Variants in PTPRF observed in about 807,000 individuals in gnomAD.
PTPRF encodes protein tyrosine phosphatase receptor type F.
In PTPRF, 59 loss-of-function variants were observed where a neutral mutation model predicts 201.8. That is an observed-to-expected ratio of 0.29 (90% confidence interval 0.24 to 0.36). The LOEUF is 0.36. PTPRF is among the 10% of genes least tolerant of loss of function. The pLI is 1.00. For missense variants in PTPRF, 2,132 were observed against 2,690.5 expected (o/e 0.79, Z 4.59); for synonymous variants, 1,088 against 1,089.7 (o/e 1.00, Z 0.03).
chr1:43,564,689 G>A (rs981792532), intron 5 of PTPRF, among the ~76,000 whole-genome samples: 9 of 152,204 alleles, frequency 5.9e-5, no homozygotes, highest in Admixed American at 1.3e-4. Flanking sequence ...GCTTAGGGGA[G>A]GCGGTCAGGC....
Position 43,606,982 on chromosome 1 carries a change from T to C in PTPRF, c.3857+14T>C, listed in dbSNP as rs777346959. 2.4e-5 allele frequency: 39 copies of C among 1,612,174 alleles called. 1 individual carries two copies. In the South Asian group the frequency reaches 4.1e-4, roughly 17 times the overall value. On this transcript the variant is annotated intron_variant, in intron 21 of 33. Transcript: ENST00000359947. The stretch of plus-strand genomic sequence containing the variant: ...CTTGTTCAAAAGGTGAGCACTGCCC[T>C]CAGAGCTCCGGGAACGGCCACCTGC...
chr1:43,560,828 C>G (rs549736100), intron 5 of PTPRF, among the ~76,000 whole-genome samples: 1 of 152,282 alleles, frequency 6.6e-6, no homozygotes, highest in East Asian at 1.9e-4. Context: ...GGACCCTTTC[C>G]TCTCCCTCCC....
rs1022045636 is a variant in PTPRF, at chr1:43,578,132, C to T, written c.569-678C>T. On this transcript the variant is annotated intron_variant, in intron 6 of 33. Transcript: ENST00000359947. ...AGAGCAGCCCCTCAGGGCACTGGCCCGAGTGAGAGCTCCAACCTCCATTAG... is the reference window on the plus strand; with the variant it reads ...AGAGCAGCCCCTCAGGGCACTGGCCTGAGTGAGAGCTCCAACCTCCATTAG... 3.6e-4 allele frequency among the ~76,000 whole-genome samples: 55 copies of T among 152,308 alleles called. 1 individual carries two copies. The highest frequency in any genetic ancestry group is 1.3e-3 in the African/African-American group (54 of 41,550).
At chr1:43,574,644 A>T (rs543671330) in intron 6 of PTPRF, among the ~76,000 whole-genome samples, 69 of 152,372 alleles carry the variant, frequency 4.5e-4, no homozygotes, top group Non-Finnish European at 8.5e-4. Context: ...TCTTAGTATT[A>T]TGAAAACAGT....
At chr1:43,599,167 C>T (rs1653121032) in intron 13 of PTPRF, among the ~76,000 whole-genome samples, 1 of 152,058 alleles carries the variant, frequency 6.6e-6, no homozygotes, top group African/African-American at 2.4e-5. Context: ...GGAGTGCCTC[C>T]TGGGTTCAAG....
chr1:43,605,705 G>T, intron 19 of PTPRF, 83 bp downstream of exon 19: 2 of 1,326,114 alleles, frequency 1.5e-6, no homozygotes, highest in South Asian at 1.2e-5. Context: ...CTGTCCCAGT[G>T]ACTCTCAGAT....
At chr1:43,609,626 C>T in intron 22 of PTPRF, 128 bp downstream of exon 22, 1 of 663,256 alleles carries the variant, frequency 1.5e-6, no homozygotes, top group East Asian at 2.8e-5. Flanking sequence ...CCTTTTCTTC[C>T]TTTCTGCCCT....
chr1:43,549,058 A>G (rs926090411), intron 3 of PTPRF, among the ~76,000 whole-genome samples: 5 of 152,144 alleles, frequency 3.3e-5, no homozygotes, highest in Admixed American at 6.5e-5. Context: ...GTTGCCGTCC[A>G]TACCCCGGGA....
chr1:43,616,320 G>T (rs767399457), intron 23 of PTPRF, among the ~76,000 whole-genome samples: 1 of 151,128 alleles, frequency 6.6e-6, no homozygotes, highest in Non-Finnish European at 1.5e-5. Flanking sequence ...CCTCACTAAC[G>T]CTTCGCTATT....
chr1:43,618,548 G>A, intron 25 of PTPRF, 82 bp from the exon 26 acceptor site: 2 of 1,513,444 alleles, frequency 1.3e-6, no homozygotes, highest in Non-Finnish European at 1.8e-6. Flanking sequence ...GCTACAGCCA[G>A]GGAGTTGACC....
chr1:43,616,276 A>G (rs1346092619), intron 23 of PTPRF, among the ~76,000 whole-genome samples: 1 of 150,934 alleles, frequency 6.6e-6, no homozygotes, highest in East Asian at 1.9e-4. Context: ...AATACATGCA[A>G]AGTGCTCACA....
chr1:43,578,152 C>T (rs1647054838), intron 6 of PTPRF, among the ~76,000 whole-genome samples: 1 of 152,240 alleles, frequency 6.6e-6, no homozygotes, highest in East Asian at 1.9e-4. Flanking sequence ...CTCCAACCTC[C>T]ATTAGCCTCT....
chr1:43,597,618 C>A, intron 11 of PTPRF, 130 bp from the exon 12 acceptor site: 1 of 700,516 alleles, frequency 1.4e-6, no homozygotes, highest in Non-Finnish European at 2.4e-6. Flanking sequence ...CTGGAGGGAC[C>A]CTGGGATGGC....
chr1:43,589,573 C>T (rs1285808515), intron 8 of PTPRF, among the ~76,000 whole-genome samples: 2 of 151,840 alleles, frequency 1.3e-5, no homozygotes, highest in Non-Finnish European at 2.9e-5. Context: ...GTAACCGATT[C>T]TGGCCAGGCA....
chr1:43,557,968 C>T (rs1645510570), intron 5 of PTPRF, among the ~76,000 whole-genome samples: 1 of 152,210 alleles, frequency 6.6e-6, no homozygotes, highest in Admixed American at 6.5e-5. Context: ...CACCCGCCCC[C>T]TGCCCCGCCT....
intron 23 of PTPRF, among the ~76,000 whole-genome samples, chr1:43,616,487 T>C (rs945397672): frequency 2.0e-5 from 3 of 151,446 alleles, no homozygotes; most frequent in East Asian, 1.9e-4. Flanking sequence ...TGAGCCTCAA[T>C]TGGGGTGGCC....
At chr1:43,529,835 T>G (rs1643296737), upstream of PTPRF, among the ~76,000 whole-genome samples, 1 of 152,224 alleles carries the variant, frequency 6.6e-6, no homozygotes, top group Admixed American at 6.5e-5. Context: ...GGGTCATTAT[T>G]TGAGTTTGGT....
intron 5 of PTPRF, among the ~76,000 whole-genome samples, chr1:43,565,884 C>A (rs1038118306): frequency 3.3e-5 from 5 of 152,114 alleles, no homozygotes; most frequent in Non-Finnish European, 7.4e-5. Context: ...TCCGCGGCAG[C>A]GCCCGCCGCT....
rs534381986 is a variant in PTPRF at position 43,619,750 on chromosome 1, A to G, written c.5003A>G (p.Asn1668Ser). 1.2e-6 allele frequency: 2 copies of G among 1,614,242 alleles called. No individual in the cohort carries two copies. Among genetic ancestry groups the G allele is most frequent in the African/African-American group, 2.7e-5 (2 of 75,070 alleles). ...AACCTGCCCTGCAACAAGTTCAAGAACCGGCTGGTGAACATCATGCCCTAC... is the reference window on the plus strand; with the variant it reads ...AACCTGCCCTGCAACAAGTTCAAGAGCCGGCTGGTGAACATCATGCCCTAC... ...SANLPCNKFKNRLVNIMPYEL... is the reference protein window; with the variant it reads ...SANLPCNKFKSRLVNIMPYEL... Residue 1668 changes from asparagine to serine, a missense_variant, in exon 29 of 34, where the codon AAC becomes AGC. By Grantham distance (46) the Asn-to-Ser change is conservative. Transcript: ENST00000359947.
Sources: gnomAD v4.1 joint callset for allele counts (sites outside exome capture counted in the v4.1 genomes callset) on GRCh38, gnomAD v4.1.1 for gene constraint, MANE v1.5 for transcripts, NCBI Gene and HGNC (gene_info 2026-07-23, HGNC 2026-07-21) for gene names.